BBS9: variants seen among roughly 807,000 people sequenced by gnomAD.
The protein encoded by BBS9 is protein PTHB1.
A neutral mutation model predicts 117.7 loss-of-function variants in BBS9; 89 were observed. That is an observed-to-expected ratio of 0.76 (90% CI 0.64 to 0.90). BBS9 has a LOEUF of 0.90. Ranked by LOEUF, BBS9 falls within the 40% of genes least tolerant of loss-of-function variation. The probability of loss-of-function intolerance (pLI) is 0.00; values close to 1 mark genes in which losing one functional copy is unlikely to be tolerated. For synonymous variants in BBS9, 379 were observed against 370.9 expected (o/e 1.02, Z -0.25); for missense variants, 982 against 1,042.2 (o/e 0.94, Z 0.80).
At chr7:33,173,523 G>C (rs1796908624) in intron 4 of BBS9, among the ~76,000 whole-genome samples, 3 of 150,634 alleles carry the variant, frequency 2.0e-5, no homozygotes, top group Admixed American at 2.0e-4. Flanking sequence ...AGTGAGCTGA[G>C]ATTGCGCCAC....
At chr7:33,180,441 A>C (rs552982595) in intron 5 of BBS9, among the ~76,000 whole-genome samples, 15 of 149,492 alleles carry the variant, frequency 1.0e-4, no homozygotes, top group African/African-American at 3.2e-4. Flanking sequence ...GCTCACTGCA[A>C]CCTCCGACTC....
At chr7:33,439,021 T>C (rs1324044490) in intron 19 of BBS9, among the ~76,000 whole-genome samples, 2 of 152,020 alleles carry the variant, frequency 1.3e-5, no homozygotes, top group African/African-American at 4.8e-5. Context: ...GAACACAGAG[T>C]GTTCAAGCTT....
chr7:33,154,564 C>G (rs1793827846), intron 3 of BBS9, among the ~76,000 whole-genome samples: 1 of 152,140 alleles, frequency 6.6e-6, no homozygotes, highest in Non-Finnish European at 1.5e-5. Flanking sequence ...CTCCCAGATT[C>G]AAGCAATTCT....
intron 21 of BBS9, among the ~76,000 whole-genome samples, chr7:33,570,654 C>G (rs1857626145): frequency 1.3e-5 from 2 of 152,188 alleles, no homozygotes; most frequent in South Asian, 4.1e-4. Context: ...AAAACTGTTA[C>G]TTTACAGGAG....
intron 17 of BBS9, among the ~76,000 whole-genome samples, chr7:33,373,748 G>A (rs1823294563): frequency 6.6e-6 from 1 of 152,188 alleles, no homozygotes; most frequent in African/African-American, 2.4e-5. Flanking sequence ...ATGCTAGGAA[G>A]AGTGATTGAA....
intron 21 of BBS9, among the ~76,000 whole-genome samples, chr7:33,563,672 T>C (rs903740591): frequency 2.6e-5 from 4 of 152,220 alleles, no homozygotes; most frequent in Admixed American, 2.6e-4. Flanking sequence ...GGTGTAAAAT[T>C]GATTCTCAGG....
chr7:33,378,263 C>G (rs942150591), intron 17 of BBS9, among the ~76,000 whole-genome samples: 1 of 152,156 alleles, frequency 6.6e-6, no homozygotes, highest in Non-Finnish European at 1.5e-5. Context: ...AGAATGAGGA[C>G]TAGGATCATG....
intron 19 of BBS9, among the ~76,000 whole-genome samples, chr7:33,424,655 G>C (rs1003993772): frequency 2.6e-5 from 4 of 152,072 alleles, no homozygotes; most frequent in Non-Finnish European, 5.9e-5. Context: ...TTTAAGCAGA[G>C]GGTTTAACAG....
chr7:33,185,751 G>A (rs1798723391), intron 5 of BBS9, among the ~76,000 whole-genome samples: 1 of 152,052 alleles, frequency 6.6e-6, no homozygotes, highest in African/African-American at 2.4e-5. Flanking sequence ...TTATTGTTTG[G>A]TATTCATGTC....
Position 33,177,586 on chromosome 7 carries a change from T to G in BBS9, c.437T>G (p.Val146Gly). 3 of 1,606,388 alleles carry G rather than the reference T, an allele frequency of 1.9e-6. No individual in the cohort carries two copies. Among genetic ancestry groups the G allele is most frequent in the Non-Finnish European group, 2.6e-6 (3 of 1,173,106 alleles). Residue 146 changes from valine to glycine, a missense_variant, in exon 5 of 23, where the codon GTA becomes GGA. Coordinates refer to ENST00000242067, the MANE Select transcript of BBS9 (RefSeq NM_198428.3). Reference sequence around the variant, plus strand: ...ATGACCTATGGATCATTTGGTGGTGTAAAAGGTAATTTGCTTTTAATCATG... The same window carrying G: ...ATGACCTATGGATCATTTGGTGGTGGAAAAGGTAATTTGCTTTTAATCATG... ...CNMTYGSFGGVKGRDLICIQS... is the reference protein window; with the variant it reads ...CNMTYGSFGGGKGRDLICIQS...
intron 20 of BBS9, among the ~76,000 whole-genome samples, chr7:33,506,899 A>G (rs1343102949): frequency 2.6e-5 from 4 of 152,232 alleles, no homozygotes; most frequent in Non-Finnish European, 4.4e-5. Flanking sequence ...ATACTAGAAA[A>G]TAAATAATGG....
intron 9 of BBS9, among the ~76,000 whole-genome samples, chr7:33,333,507 C>T (rs567170134): frequency 6.6e-6 from 1 of 152,104 alleles, no homozygotes; most frequent in Non-Finnish European, 1.5e-5. Context: ...ATAGACAATT[C>T]TCAAAAGAAG....
At chr7:33,390,180 A>G in intron 19 of BBS9, 2 of 899,450 alleles carry the variant, frequency 2.2e-6, no homozygotes, top group Non-Finnish European at 2.7e-6. Context: ...TGCCTGCCAT[A>G]CTTGAGGCTG....
chr7:33,164,094 T>C (rs1213362081), intron 4 of BBS9, among the ~76,000 whole-genome samples: 1 of 152,210 alleles, frequency 6.6e-6, no homozygotes, highest in Non-Finnish European at 1.5e-5. Flanking sequence ...ATGTACCCAG[T>C]AGTCATTCAG....
At chr7:33,440,530 G>T (rs1171180793) in intron 19 of BBS9, among the ~76,000 whole-genome samples, 1 of 152,184 alleles carries the variant, frequency 6.6e-6, no homozygotes, top group Non-Finnish European at 1.5e-5. Context: ...GCACATGGAA[G>T]GTCATGGGCC....
chr7:33,225,913 T>C (rs1038425073), intron 5 of BBS9, among the ~76,000 whole-genome samples: 9 of 152,204 alleles, frequency 5.9e-5, no homozygotes, highest in Non-Finnish European at 1.2e-4. Context: ...CTTATCCTCA[T>C]TGATTTTACA....
intron 16 of BBS9, 82 bp from the exon 17 acceptor site, chr7:33,367,685 A>G (rs914268304): frequency 9.1e-6 from 10 of 1,094,746 alleles, no homozygotes; most frequent in African/African-American, 7.7e-5. Context: ...AAAAACACGC[A>G]TCATTCAACT....
intron 21 of BBS9, among the ~76,000 whole-genome samples, chr7:33,552,599 C>T (rs767537463): frequency 1.3e-5 from 2 of 152,182 alleles, no homozygotes; most frequent in Non-Finnish European, 2.9e-5. Context: ...TGTGTAACTT[C>T]ACCTGGGCCC....
rs572696866 is a variant in BBS9, at chr7:33,405,905, A to C, written c.2115+17761A>C. On this transcript the variant is annotated intron_variant, in intron 19 of 22. Transcript: ENST00000242067. The stretch of plus-strand genomic sequence containing the variant: ...CTGCTAGCTTTTGAATGTGTTTGCT[A>C]TTGCTTTTCTAGTTCTTTTAATTGT... Among the ~76,000 whole-genome samples the C allele has an allele frequency of 9.4e-4, 143 of 151,484 alleles. No individual in the cohort carries two copies. In the East Asian group the frequency reaches 0.025, roughly 26 times the overall value.
Sources: allele counts gnomAD v4.1 joint callset (sites outside exome capture counted in the v4.1 genomes callset), GRCh38; gene constraint gnomAD v4.1.1; transcripts MANE v1.5; gene names NCBI Gene and HGNC (gene_info 2026-07-23, HGNC 2026-07-21).